Variants in ZNF440 observed in about 807,000 individuals in gnomAD.
The protein encoded by ZNF440 is zinc finger protein 440.
ZNF440 carries 47 observed loss-of-function variants against 49.7 expected under a neutral mutation model. That is an observed-to-expected ratio of 0.95 (90% CI 0.75 to 1.21). The LOEUF (loss-of-function observed/expected upper bound fraction) is 1.21. Among genes scored for constraint, ZNF440 ranks in the 50% most tolerant of loss-of-function variants. The pLI, the probability that ZNF440 is intolerant of heterozygous loss-of-function variation, is 0.00. For missense variants in ZNF440, 703 were observed against 715.0 expected (o/e 0.98, Z 0.19); for synonymous variants, 255 against 237.7 (o/e 1.07, Z -0.67).
Position 11,833,735 on chromosome 19 carries a change from G to C in ZNF440, c.*771G>C. On this transcript the variant is annotated 3_prime_UTR_variant, in exon 4 of 4. Transcript: ENST00000304060. The stretch of plus-strand genomic sequence containing the variant: ...ATGAAAGGACTCACACTGGAGAGAA[G>C]CCCTATGAATATAAGCAATGTGGGA... 5.2e-6 allele frequency: 4 copies of C among 773,708 alleles called. No individual in the cohort carries two copies. Among genetic ancestry groups the C allele is most frequent in the East Asian group, 4.0e-5 (1 of 25,246 alleles). The allele number at this position is 773,708 out of a possible 1,614,324, so 47.9% of individuals were successfully genotyped here. A position where few individuals can be genotyped will look rare whatever the true frequency, so the allele number is the denominator to read the frequency against.
At chr19:11,819,523 C>A (rs1975773475) in intron 1 of ZNF440, among the ~76,000 whole-genome samples, 1 of 152,158 alleles carries the variant, frequency 6.6e-6, no homozygotes, top group Non-Finnish European at 1.5e-5. Context: ...CTCAGCCTCC[C>A]AAGTATCTGG....
In ZNF440 at chr19:11,831,368, G is replaced by A; in HGVS notation, c.192G>A (p.Arg64=). ...ATAATATGCTTCTCATTTTTGACAG[G>A]AGTCTCATAGAAGAAAAAGTCAATG... ...YEHQNPRRNF[R]SLIEEKVNEI... is the part of the protein sequence containing the mutation. The change falls in exon 4 of 4, where the codon AGG becomes AGA. Residue 64 remains arginine (R), a splice_region_variant and synonymous_variant. Transcript: ENST00000304060. The A allele has an allele frequency of 1.9e-6, 3 of 1,601,202 alleles. No homozygotes were observed. In the South Asian group the frequency reaches 3.4e-5, roughly 18 times the overall value.
chr19:11,823,251 TCTAATC>T (rs1975821055), intron 1 of ZNF440, among the ~76,000 whole-genome samples: 1 of 152,172 alleles, frequency 6.6e-6, no homozygotes, highest in Non-Finnish European at 1.5e-5. Context: ...TATGCTGTCA[TCTAATC>T]CTAATTACTT....
At position 11,832,709 on chromosome 19, in the gene ZNF440, G is replaced by A. The variant is rs199824718; in HGVS notation, c.1533G>A (p.Glu511=). 12 of 1,613,980 alleles carry A rather than the reference G, an allele frequency of 7.4e-6. No individual in the cohort carries two copies. The East Asian group carries it at 2.7e-4, about 36-fold the overall frequency. ...ATATCATGAAAGGACTCACACTGGA[G>A]AGAAGCCCTATAAATGCGAGCAATG... ...PFDIMKGLTL[E]RSPINASNVG... Residue 511 remains glutamate, a synonymous_variant, in exon 4 of 4, where the codon GAG becomes GAA. Transcript: ENST00000304060.
intron 1 of ZNF440, among the ~76,000 whole-genome samples, chr19:11,820,963 G>C (rs2145119670): frequency 6.6e-6 from 1 of 152,270 alleles, no homozygotes; most frequent in East Asian, 1.9e-4. Context: ...TGCCGTGTTG[G>C]TGGGAAATAG....
intron 1 of ZNF440, among the ~76,000 whole-genome samples, chr19:11,829,336 A>C (rs1468020835): frequency 1.3e-5 from 2 of 150,582 alleles, no homozygotes; most frequent in African/African-American, 4.9e-5. Context: ...CTCTCTGCTT[A>C]TATCTAGCAT....
rs892119819 is a variant in ZNF440 at position 11,834,668 on chromosome 19, T to C, written c.*1704T>C. 6.6e-6 allele frequency: 1 copy of C among 152,232 alleles called. No individual in the cohort carries two copies. The highest frequency in any genetic ancestry group is 2.4e-5 in the African/African-American group (1 of 41,458). The allele number at this position is 152,232 out of a possible 1,614,324, so 9.4% of individuals were successfully genotyped here. ...TTGAAATACGTTTTCCTCTATCACA[T>C]TTAAAAATATAGTTACAAAATGCCC... On this transcript the variant is annotated 3_prime_UTR_variant, in exon 4 of 4. Transcript: ENST00000304060.
chr19:11,815,359 A>G (rs926352731), intron 1 of ZNF440, among the ~76,000 whole-genome samples: 3 of 151,320 alleles, frequency 2.0e-5, no homozygotes, highest in African/African-American at 7.3e-5. Flanking sequence ...GGGAAGGAAC[A>G]GGGACTGTCC....
chr19:11,832,269 G>T lies in ZNF440; in HGVS notation c.1093G>T (p.Glu365Ter). ...FQRHEKIHSG[E>*]KPYKCKQCGK... ...AAGACATGAAAAAATTCACAGTGGA[G>T]AGAAACCCTATAAATGTAAGCAGTG... Residue 365 changes from glutamate to a stop codon, truncating the protein, a stop_gained, in exon 4 of 4, where the codon GAG becomes TAG. Coordinates refer to ENST00000304060, the MANE Select transcript of ZNF440 (RefSeq NM_152357.3). LOFTEE classifies it high-confidence loss of function. 6.2e-7 allele frequency: 1 copy of T among 1,614,044 alleles called. No individual in the cohort carries two copies. Among genetic ancestry groups the T allele is most frequent in the Non-Finnish European group, 8.5e-7 (1 of 1,179,996 alleles).
At chr19:11,829,982 C>G (rs1409541233) in intron 1 of ZNF440, 1 of 371,166 alleles carries the variant, frequency 2.7e-6, no homozygotes, top group Non-Finnish European at 4.7e-6. Context: ...ATTAGCCAGG[C>G]ATGGTGGCAT....
chr19:11,829,677 T>C (rs1159039373), intron 1 of ZNF440, among the ~76,000 whole-genome samples: 1 of 152,110 alleles, frequency 6.6e-6, no homozygotes, highest in Non-Finnish European at 1.5e-5. Flanking sequence ...CACAATTGCT[T>C]TATGAACTAG....
rs1044424118 is a variant in ZNF440, at chr19:11,830,156, C to G, written c.4-127C>G. On this transcript the variant is annotated intron_variant, in intron 1 of 3. Transcript: ENST00000304060. The stretch of plus-strand genomic sequence containing the variant: ...TAAGTATACACAGGGAGAAAGAGAT[C>G]TGATGACCAAAGCAGGGAATACGTG... 2.6e-6 allele frequency: 4 copies of G among 1,514,246 alleles called. No homozygotes were observed. The African/African-American group carries it at 4.2e-5, about 16-fold the overall frequency. 93.8% of individuals were successfully genotyped at this position (1,514,246 alleles called of 1,614,324 possible).
chr19:11,814,788 G>C (rs1230935331), intron 1 of ZNF440, among the ~76,000 whole-genome samples: 1 of 152,214 alleles, frequency 6.6e-6, no homozygotes, highest in African/African-American at 2.4e-5. Flanking sequence ...CAGCATCTAG[G>C]CAGAAAATTC....
intron 1 of ZNF440, among the ~76,000 whole-genome samples, chr19:11,828,307 G>A (rs1256538199): frequency 4.3e-4 from 3 of 6,992 alleles, no homozygotes; most frequent in African/African-American, 4.6e-3. Flanking sequence ...GATTCTCCAC[G>A]TCCCAGTCAA....
chr19:11,815,284 TCACACACACACA>T (rs3223082), intron 1 of ZNF440, among the ~76,000 whole-genome samples: 80 of 121,128 alleles, frequency 6.6e-4, no homozygotes, highest in Middle Eastern at 4.2e-3. Flanking sequence ...GGCAACTCCG[TCACACACACACA>T]CACACACACA....
In ZNF440 at chr19:11,814,327, C is replaced by A. The variant is rs1300237455; in HGVS notation, c.-121C>A. The A allele has an allele frequency of 4.2e-6, 5 of 1,182,206 alleles. No homozygotes were observed. Among genetic ancestry groups the A allele is most frequent in the Non-Finnish European group, 5.7e-6 (5 of 883,812 alleles). The allele number at this position is 1,182,206 out of a possible 1,614,324, so 73.2% of individuals were successfully genotyped here. Reference sequence around the variant, plus strand: ...CGACAGCGGTCAGGATCTCGGCTTTCTTGCTTCGAGAGGGACTAGGTGCCT... The same window carrying A: ...CGACAGCGGTCAGGATCTCGGCTTTATTGCTTCGAGAGGGACTAGGTGCCT... On this transcript the variant is annotated 5_prime_UTR_variant, in exon 1 of 4. Coordinates refer to ENST00000304060, the MANE Select transcript of ZNF440 (RefSeq NM_152357.3).
Position 11,829,189 on chromosome 19 carries a change from C to T in ZNF440, c.4-1094C>T, listed in dbSNP as rs867876262. Among the ~76,000 whole-genome samples the T allele has an allele frequency of 2.6e-5, 4 of 151,932 alleles. No homozygotes were observed. The East Asian group carries it at 5.8e-4, about 22-fold the overall frequency. ...TCTTGTTTGCCCTCTTGTGTACATA[C>T]GGTGCCAGGTTTTGCTTAGGAATGT... On this transcript the variant is annotated intron_variant, in intron 1 of 3. Transcript: ENST00000304060.
In ZNF440 at chr19:11,826,159, T is replaced by A. The variant is rs1975863578; in HGVS notation, c.4-4124T>A. ...ACTGAATAACATTCTATTGTACGGA[T>A]GTTACCATAGTTTGTTTCTTTATTC... On this transcript the variant is annotated intron_variant, in intron 1 of 3. Coordinates refer to ENST00000304060, the MANE Select transcript of ZNF440 (RefSeq NM_152357.3). Among the ~76,000 whole-genome samples the A allele has an allele frequency of 2.0e-5, 3 of 152,182 alleles. No individual in the cohort carries two copies. In the South Asian group the frequency reaches 6.2e-4, roughly 32 times the overall value.
At position 11,831,361 on chromosome 19, in the gene ZNF440, T is replaced by G; in HGVS notation, c.192-7T>G. The G allele has an allele frequency of 6.3e-7, 1 of 1,598,650 alleles. No homozygotes were observed. Among genetic ancestry groups the G allele is most frequent in the Non-Finnish European group, 8.5e-7 (1 of 1,176,488 alleles). ...ACCCTTCATAATATGCTTCTCATTT[T>G]TGACAGGAGTCTCATAGAAGAAAAA... On this transcript the variant is annotated splice_polypyrimidine_tract_variant and splice_region_variant and intron_variant, in intron 3 of 3. Coordinates refer to ENST00000304060, the MANE Select transcript of ZNF440 (RefSeq NM_152357.3).
Sources: allele counts gnomAD v4.1 joint callset (sites outside exome capture counted in the v4.1 genomes callset), GRCh38; gene constraint gnomAD v4.1.1; transcripts MANE v1.5; gene names NCBI Gene and HGNC (gene_info 2026-07-23, HGNC 2026-07-21).